Variants in ZSWIM6 observed in about 807,000 individuals in gnomAD.
The protein encoded by ZSWIM6 is zinc finger SWIM-type containing 6.
In ZSWIM6, 9 loss-of-function variants were observed where a neutral mutation model predicts 113.2. The ratio of observed to expected loss-of-function variants is 0.08; its 90% CI spans 0.05 to 0.14. The LOEUF is 0.14. Ranked by LOEUF, ZSWIM6 falls within the 10% of genes least tolerant of loss-of-function variation. ZSWIM6 has a pLI of 1.00. For synonymous variants in ZSWIM6, 611 were observed against 606.5 expected (o/e 1.01, Z -0.11); for missense variants, 1,162 against 1,552.2 (o/e 0.75, Z 4.22).
intron 1 of ZSWIM6, among the ~76,000 whole-genome samples, chr5:61,433,476 T>TG (rs1187078408): frequency 1.7e-5 from 1 of 59,278 alleles, no homozygotes; most frequent in African/African-American, 7.5e-5. Context: ...GACTTAGTTG[T>TG]TTTTTTTTTT....
rs1378667532 is a variant in ZSWIM6, at chr5:61,444,655, G to A, written c.677-28026G>A. 2.0e-5 allele frequency among the ~76,000 whole-genome samples: 3 copies of A among 152,064 alleles called. No individual in the cohort carries two copies. In the East Asian group the frequency reaches 5.8e-4, roughly 29 times the overall value. ...GAAAATCCTGTTATTCCGACATAGG[G>A]GCCTAGATGTTGGCCTTGCATCAGT... is the stretch of plus-strand genomic sequence containing the variant. On this transcript the variant is annotated intron_variant, in intron 1 of 13. Coordinates refer to ENST00000252744, the MANE Select transcript of ZSWIM6 (RefSeq NM_020928.2).
At chr5:61,496,741 A>G (rs1748325656) in intron 4 of ZSWIM6, among the ~76,000 whole-genome samples, 1 of 152,126 alleles carries the variant, frequency 6.6e-6, no homozygotes, top group African/African-American at 2.4e-5. Flanking sequence ...TCCCACTCCA[A>G]CACCGCGCCA....
chr5:61,503,794 C>T (rs1219813846), intron 4 of ZSWIM6, among the ~76,000 whole-genome samples: 2 of 152,136 alleles, frequency 1.3e-5, no homozygotes, highest in African/African-American at 4.8e-5. Context: ...AAAGATTTGC[C>T]TGTGTGTTTG....
chr5:61,444,836 A>T (rs1263095458), intron 1 of ZSWIM6, among the ~76,000 whole-genome samples: 7 of 152,134 alleles, frequency 4.6e-5, no homozygotes, highest in African/African-American at 1.4e-4. Context: ...TGTGTGTCTC[A>T]TGAGAGCAGT....
At chr5:61,450,458 T>C (rs1265937225) in intron 1 of ZSWIM6, among the ~76,000 whole-genome samples, 1 of 152,202 alleles carries the variant, frequency 6.6e-6, no homozygotes, top group Non-Finnish European at 1.5e-5. Flanking sequence ...TTATGTGATT[T>C]ATTTAAAAAT....
chr5:61,361,052 TTG>T (rs149630974), intron 1 of ZSWIM6, among the ~76,000 whole-genome samples: 1 of 151,770 alleles, frequency 6.6e-6, no homozygotes, highest in Non-Finnish European at 1.5e-5. Flanking sequence ...GTCTTTTTCC[TTG>T]TGTGTGTGTG....
chr5:61,402,457 C>T (rs1313703710), intron 1 of ZSWIM6, among the ~76,000 whole-genome samples: 1 of 151,778 alleles, frequency 6.6e-6, no homozygotes, highest in African/African-American at 2.4e-5. Context: ...TATATGAAAC[C>T]TTAATTGCTT....
chr5:61,399,155 C>A (rs1745898112), intron 1 of ZSWIM6, among the ~76,000 whole-genome samples: 1 of 150,480 alleles, frequency 6.6e-6, no homozygotes. Context: ...AAACTCCTGA[C>A]CTCAGGTGAT....
At chr5:61,493,249 G>A (rs1288252856) in intron 3 of ZSWIM6, among the ~76,000 whole-genome samples, 2 of 151,970 alleles carry the variant, frequency 1.3e-5, no homozygotes, top group Non-Finnish European at 2.9e-5. Context: ...TTTTACCATT[G>A]CAAAAACAAC....
At chr5:61,508,279 A>C (rs975521254) in intron 4 of ZSWIM6, among the ~76,000 whole-genome samples, 1 of 152,214 alleles carries the variant, frequency 6.6e-6, no homozygotes, top group African/African-American at 2.4e-5. Flanking sequence ...AGACATTTAA[A>C]ATTTTAAATG....
chr5:61,492,685 A>T (rs1027936101), intron 3 of ZSWIM6, among the ~76,000 whole-genome samples: 1 of 152,132 alleles, frequency 6.6e-6, no homozygotes, highest in Non-Finnish European at 1.5e-5. Flanking sequence ...ACTCCTTTAT[A>T]GGAATACTGA....
chr5:61,518,255 G>A (rs1749013159), intron 4 of ZSWIM6, among the ~76,000 whole-genome samples: 1 of 151,876 alleles, frequency 6.6e-6, no homozygotes, highest in Non-Finnish European at 1.5e-5. Flanking sequence ...ACATACGTGT[G>A]CATGTGTCTT....
intron 2 of ZSWIM6, among the ~76,000 whole-genome samples, chr5:61,481,627 A>G (rs1747868537): frequency 6.6e-6 from 1 of 152,008 alleles, no homozygotes; most frequent in Non-Finnish European, 1.5e-5. Flanking sequence ...TGGGGCAAGC[A>G]AGTTTGATGT....
At chr5:61,429,674 T>G (rs1371614293) in intron 1 of ZSWIM6, among the ~76,000 whole-genome samples, 7 of 152,156 alleles carry the variant, frequency 4.6e-5, no homozygotes, top group Non-Finnish European at 1.0e-4. Context: ...GATGTAGACT[T>G]GAGAGCCGTC....
chr5:61,369,946 A>G (rs1745230058), intron 1 of ZSWIM6, among the ~76,000 whole-genome samples: 2 of 152,252 alleles, frequency 1.3e-5, no homozygotes, highest in Admixed American at 1.3e-4. Flanking sequence ...TTACCAAAAA[A>G]CAAACTACAA....
At chr5:61,340,397 A>G (rs910692498) in intron 1 of ZSWIM6, among the ~76,000 whole-genome samples, 3 of 152,232 alleles carry the variant, frequency 2.0e-5, no homozygotes, top group Non-Finnish European at 4.4e-5. Context: ...AAAAGGAGAC[A>G]AATTAACCCA....
chr5:61,382,530 G>A (rs938503423), intron 1 of ZSWIM6, among the ~76,000 whole-genome samples: 7 of 152,180 alleles, frequency 4.6e-5, no homozygotes, highest in African/African-American at 1.2e-4. Flanking sequence ...TGGGCTGGGC[G>A]CAGTGGCTCA....
intron 4 of ZSWIM6, among the ~76,000 whole-genome samples, chr5:61,500,688 A>G (rs773254976): frequency 2.6e-5 from 4 of 152,188 alleles, no homozygotes; most frequent in African/African-American, 9.7e-5. Flanking sequence ...TCCAATAGCC[A>G]AATACGTGCC....
chr5:61,472,987 A>T lies in ZSWIM6; in HGVS notation c.983A>T (p.Lys328Ile), dbSNP rs1292536723. The T allele has an allele frequency of 6.5e-7, 1 of 1,542,302 alleles. No individual in the cohort carries two copies. The highest frequency in any genetic ancestry group is 2.0e-5 in the Admixed American group (1 of 50,560). Residue 328 changes from lysine (K) to isoleucine (I), a missense_variant, in exon 2 of 14, where the codon AAA becomes ATA. By Grantham distance (102) the Lys-to-Ile change is moderately radical. Around this residue, in one of 4 missense-constraint regions of ZSWIM6, gnomAD observed 96 missense variants for 240.3 expected, o/e 0.40. Transcript: ENST00000252744. This position sits in a 1 kb window ranked among gnomAD's most constrained non-coding sequence, Gnocchi z 4.1. ...HHTEVLPTAQ[K>I]LADEILSQNS... ...ACAGAAGTTTTGCCAACTGCTCAAA[A>T]ATTAGCAGATGAAATTCTTTCCCAA...
Sources: allele counts gnomAD v4.1 joint callset (sites outside exome capture counted in the v4.1 genomes callset), GRCh38; gene constraint gnomAD v4.1.1; regional missense constraint gnomAD v4.1.1; non-coding constraint Gnocchi (gnomAD v3.1); transcripts MANE v1.5; gene names NCBI Gene and HGNC (gene_info 2026-07-23, HGNC 2026-07-21).